The following WWOX variants were observed in gnomAD, a reference collection of about 807,000 sequenced individuals.
WWOX encodes the protein WW domain containing oxidoreductase.
A neutral mutation model predicts 46.2 loss-of-function variants in WWOX; 69 were observed. The observed-to-expected ratio is 1.49, with a 90% confidence interval of 1.23 to 1.82. The LOEUF (loss-of-function observed/expected upper bound fraction) is 1.82, where lower values mean the gene tolerates loss of function less well. WWOX is among the 40% of genes most tolerant of loss of function. WWOX has a pLI of 0.00. For synonymous variants in WWOX, 359 were observed against 202.6 expected, an observed-to-expected ratio of 1.77 and a Z score of -6.56; for missense variants, 919 against 542.6, an observed-to-expected ratio of 1.69 and a Z score of -6.89.
chr16:78,962,146 C>T (rs1239660732), intron 8 of WWOX, among the ~76,000 whole-genome samples: 3 of 152,002 alleles, frequency 2.0e-5, no homozygotes, highest in East Asian at 3.9e-4. Context: ...ACAGGAATCT[C>T]TCCCAGAGGA....
chr16:79,040,695 A>G (rs543929129), intron 8 of WWOX, among the ~76,000 whole-genome samples: 1 of 152,208 alleles, frequency 6.6e-6, no homozygotes, highest in East Asian at 1.9e-4. Flanking sequence ...CTACCCTGCA[A>G]AAGAGTCACA....
intron 8 of WWOX, among the ~76,000 whole-genome samples, chr16:78,905,804 A>G (rs1205295542): frequency 2.0e-5 from 3 of 152,190 alleles, no homozygotes; most frequent in African/African-American, 4.8e-5. Context: ...TCTTAGAACC[A>G]TGAGCTAAGG....
intron 8 of WWOX, among the ~76,000 whole-genome samples, chr16:79,120,835 C>T (rs1045803072): frequency 7.9e-5 from 12 of 152,346 alleles, no homozygotes; most frequent in African/African-American, 2.4e-4. Context: ...GTGGCATGAT[C>T]TTGGCTCACT....
At chr16:79,180,155 G>C (rs569919733) in intron 8 of WWOX, among the ~76,000 whole-genome samples, 1 of 152,236 alleles carries the variant, frequency 6.6e-6, no homozygotes, top group East Asian at 1.9e-4. Flanking sequence ...TTGGTCACGG[G>C]TACATCAAAA....
intron 8 of WWOX, among the ~76,000 whole-genome samples, chr16:78,962,021 G>A (rs2046280571): frequency 6.6e-6 from 1 of 152,092 alleles, no homozygotes; most frequent in African/African-American, 2.4e-5. Flanking sequence ...CTTCCAGGCT[G>A]CTCCTGAGCA....
At chr16:78,235,371 G>A (rs1053198211) in intron 5 of WWOX, among the ~76,000 whole-genome samples, 1 of 152,002 alleles carries the variant, frequency 6.6e-6, no homozygotes, top group Admixed American at 6.6e-5. Context: ...CTGCCAGGCC[G>A]GCTCATCTGA....
intron 8 of WWOX, among the ~76,000 whole-genome samples, chr16:78,728,595 A>C (rs948897941): frequency 3.3e-5 from 5 of 152,180 alleles, no homozygotes; most frequent in Non-Finnish European, 7.3e-5. Context: ...ACACCTTAGC[A>C]TTCTGATGAA....
At chr16:78,679,780 C>T (rs2047686747) in intron 8 of WWOX, among the ~76,000 whole-genome samples, 1 of 152,146 alleles carries the variant, frequency 6.6e-6, no homozygotes, top group Non-Finnish European at 1.5e-5. Flanking sequence ...TTGATGGCTG[C>T]CAAGAGAACA....
At chr16:78,892,465 A>C (rs1487713676) in intron 8 of WWOX, among the ~76,000 whole-genome samples, 1 of 152,182 alleles carries the variant, frequency 6.6e-6, no homozygotes, top group Non-Finnish European at 1.5e-5. Flanking sequence ...TTCTACCTCT[A>C]GTTGGAACGG....
At chr16:78,255,243 A>G (rs532234178) in intron 5 of WWOX, among the ~76,000 whole-genome samples, 5 of 152,302 alleles carry the variant, frequency 3.3e-5, no homozygotes, top group Admixed American at 6.5e-5. Flanking sequence ...CTGGCACACT[A>G]TGTTTATGAG....
intron 8 of WWOX, among the ~76,000 whole-genome samples, chr16:78,576,209 G>T (rs2044875496): frequency 6.6e-6 from 1 of 152,154 alleles, no homozygotes; most frequent in East Asian, 1.9e-4. Flanking sequence ...ATAATCTTGA[G>T]GTATCTTTTA....
intron 8 of WWOX, among the ~76,000 whole-genome samples, chr16:78,504,360 G>T (rs2085141236): frequency 6.6e-6 from 1 of 152,216 alleles, no homozygotes; most frequent in South Asian, 2.1e-4. Flanking sequence ...TACTTTCTGA[G>T]ATTCACATAT....
At chr16:78,397,880 G>A (rs1238228689) in intron 6 of WWOX, among the ~76,000 whole-genome samples, 3 of 152,174 alleles carry the variant, frequency 2.0e-5, no homozygotes, top group Non-Finnish European at 2.9e-5. Context: ...TATGTGTAAA[G>A]GAGGTTAAAG....
At chr16:78,435,816 C>T (rs973012746) in intron 8 of WWOX, among the ~76,000 whole-genome samples, 2 of 152,120 alleles carry the variant, frequency 1.3e-5, no homozygotes, top group African/African-American at 4.8e-5. Flanking sequence ...GAGCCTGTCT[C>T]ATTACGATGA....
chr16:78,983,652 A>G (rs143708643), intron 8 of WWOX, among the ~76,000 whole-genome samples: 13 of 152,230 alleles, frequency 8.5e-5, no homozygotes, highest in South Asian at 2.1e-4. Flanking sequence ...CTTCCAGCCA[A>G]TGGAATCGGC....
intron 8 of WWOX, among the ~76,000 whole-genome samples, chr16:78,467,904 TC>T (rs1567590417): frequency 2.6e-4 from 40 of 152,282 alleles, no homozygotes; most frequent in African/African-American, 7.5e-4. Context: ...GTGATACTGA[TC>T]AGCCTGGCTT....
At chr16:78,733,896 T>C (rs1034812943) in intron 8 of WWOX, among the ~76,000 whole-genome samples, 1 of 151,968 alleles carries the variant, frequency 6.6e-6, no homozygotes, top group Non-Finnish European at 1.5e-5. Context: ...AGAGACCTCA[T>C]CTCTACAAAA....
At chr16:78,466,234 T>C (rs7189913) in intron 8 of WWOX, among the ~76,000 whole-genome samples, 3,212 of 152,122 alleles carry the variant, frequency 0.021, 126 homozygotes, top group African/African-American at 0.075. Context: ...GGTTTCATCG[T>C]GTTACCCAGG....
At chr16:78,572,917 A>G (rs1208758422) in intron 8 of WWOX, among the ~76,000 whole-genome samples, 1 of 152,192 alleles carries the variant, frequency 6.6e-6, no homozygotes, top group Non-Finnish European at 1.5e-5. Context: ...AAGTGTACAC[A>G]CATTGCTTAT....
Sources: allele counts gnomAD v4.1 joint callset (sites outside exome capture counted in the v4.1 genomes callset), GRCh38; gene constraint gnomAD v4.1.1; transcripts MANE v1.5; gene names NCBI Gene and HGNC (gene_info 2026-07-23, HGNC 2026-07-21).